CNKSR3: variants seen among roughly 807,000 people sequenced by gnomAD.
CNKSR3 encodes connector enhancer of kinase suppressor of ras 3.
A neutral mutation model predicts 67.7 loss-of-function variants in CNKSR3; 36 were observed. That is an observed-to-expected ratio of 0.53 (90% CI 0.41 to 0.70). The LOEUF is 0.70. Ranked by LOEUF, CNKSR3 falls within the 30% of genes least tolerant of loss-of-function variation. CNKSR3 has a pLI of 0.00. For synonymous variants in CNKSR3, 281 were observed against 271.4 expected (o/e 1.04, Z -0.35); for missense variants, 630 against 695.2 (o/e 0.91, Z 1.05).
intron 12 of CNKSR3, among the ~76,000 whole-genome samples, chr6:154,407,826 A>T (rs1784827826): frequency 7.3e-6 from 1 of 136,882 alleles, no homozygotes; most frequent in Non-Finnish European, 1.5e-5. Flanking sequence ...AGTTTTCTAA[A>T]TTTTAGAATT....
chr6:154,477,073 T>C (rs373137050), intron 1 of CNKSR3, among the ~76,000 whole-genome samples: 1 of 152,210 alleles, frequency 6.6e-6, no homozygotes, highest in Non-Finnish European at 1.5e-5. Context: ...GAAATGCACA[T>C]GGCTGTGAGG....
chr6:154,466,214 C>G (rs898577186), intron 1 of CNKSR3, among the ~76,000 whole-genome samples: 2 of 152,164 alleles, frequency 1.3e-5, no homozygotes, highest in Non-Finnish European at 2.9e-5. Flanking sequence ...AGAAACAGTA[C>G]TACAGAAAGA....
chr6:154,492,752 A>AAC (rs1554238245), intron 1 of CNKSR3, among the ~76,000 whole-genome samples: 173 of 151,438 alleles, frequency 1.1e-3, no homozygotes, highest in African/African-American at 4.1e-3. Context: ...TCTCAAAAAA[A>AAC]AAAAAACAAA....
intron 1 of CNKSR3, among the ~76,000 whole-genome samples, chr6:154,494,068 A>G (rs1442190794): frequency 1.3e-5 from 2 of 152,174 alleles, no homozygotes; most frequent in African/African-American, 4.8e-5. Context: ...GTAAATTAAT[A>G]TATCAGTCTG....
At chr6:154,503,311 A>G (rs1787034508) in intron 1 of CNKSR3, among the ~76,000 whole-genome samples, 2 of 152,088 alleles carry the variant, frequency 1.3e-5, no homozygotes, top group Admixed American at 6.6e-5. Flanking sequence ...TACTTGTGTT[A>G]AAGATTTTTT....
At chr6:154,459,438 C>G (rs1371073192) in intron 1 of CNKSR3, among the ~76,000 whole-genome samples, 1 of 152,010 alleles carries the variant, frequency 6.6e-6, no homozygotes, top group Admixed American at 6.6e-5. Flanking sequence ...TTTGGGGTAC[C>G]AAGCTGAAAG....
At chr6:154,462,683 C>T (rs569700912) in intron 1 of CNKSR3, among the ~76,000 whole-genome samples, 13 of 152,294 alleles carry the variant, frequency 8.5e-5, no homozygotes, top group African/African-American at 2.9e-4. Context: ...CCTGTGAGGT[C>T]CCATCTACCT....
At chr6:154,483,846 C>G (rs924805950) in intron 1 of CNKSR3, among the ~76,000 whole-genome samples, 3 of 152,168 alleles carry the variant, frequency 2.0e-5, no homozygotes, top group African/African-American at 4.8e-5. Flanking sequence ...ATGCTCCTCA[C>G]CAGTGGATCC....
At chr6:154,495,356 CTT>C (rs149762490) in intron 1 of CNKSR3, among the ~76,000 whole-genome samples, 3,618 of 129,524 alleles carry the variant, frequency 0.028, 131 homozygotes, top group African/African-American at 0.095. Flanking sequence ...GAATTCAACA[CTT>C]TTTTTTTTTT....
At chr6:154,501,675 A>C (rs1318669770) in intron 1 of CNKSR3, among the ~76,000 whole-genome samples, 1 of 152,122 alleles carries the variant, frequency 6.6e-6, no homozygotes, top group African/African-American at 2.4e-5. Context: ...CATCCAAAGG[A>C]GTCCCCCACC....
At chr6:154,440,762 C>G (rs933691563) in intron 4 of CNKSR3, among the ~76,000 whole-genome samples, 1 of 152,030 alleles carries the variant, frequency 6.6e-6, no homozygotes, top group Non-Finnish European at 1.5e-5. Context: ...AATGAGGAGT[C>G]GGAGGTGATT....
At chr6:154,485,566 A>G (rs1786650220) in intron 1 of CNKSR3, among the ~76,000 whole-genome samples, 1 of 152,226 alleles carries the variant, frequency 6.6e-6, no homozygotes, top group Admixed American at 6.5e-5. Context: ...AAAACGCATC[A>G]GGTATGAGTC....
intron 1 of CNKSR3, among the ~76,000 whole-genome samples, chr6:154,491,739 A>G (rs976668492): frequency 2.6e-5 from 4 of 152,238 alleles, no homozygotes; most frequent in Non-Finnish European, 4.4e-5. Context: ...CCACCAGTAC[A>G]TAGTCATTCA....
intron 1 of CNKSR3, chr6:154,478,327 A>T (rs1786496114): frequency 6.6e-6 from 1 of 152,224 alleles, no homozygotes; most frequent in Non-Finnish European, 1.5e-5. Context: ...TCACCCACAC[A>T]CCTATCTGGT....
intron 1 of CNKSR3, among the ~76,000 whole-genome samples, chr6:154,488,828 CTA>C (rs1268212920): frequency 6.6e-6 from 1 of 152,118 alleles, no homozygotes; most frequent in African/African-American, 2.4e-5. Context: ...AAAAAGGTAA[CTA>C]TTAAAAACTT....
intron 6 of CNKSR3, among the ~76,000 whole-genome samples, chr6:154,429,246 C>A (rs1785316008): frequency 6.6e-6 from 1 of 152,052 alleles, no homozygotes; most frequent in African/African-American, 2.4e-5. Flanking sequence ...ATAATGTGGA[C>A]CCTCCTCAGA....
chr6:154,475,854 C>T (rs1196348227), intron 1 of CNKSR3, among the ~76,000 whole-genome samples: 2 of 151,370 alleles, frequency 1.3e-5, no homozygotes, highest in African/African-American at 4.9e-5. Context: ...CAATAAATAA[C>T]CACCATTGTC....
chr6:154,485,926 G>A (rs553664760), intron 1 of CNKSR3, among the ~76,000 whole-genome samples: 13 of 152,212 alleles, frequency 8.5e-5, no homozygotes, highest in African/African-American at 2.4e-4. Flanking sequence ...TTGGCGCGAC[G>A]GGACACCTTC....
chr6:154,497,965 T>C (rs781076867), intron 1 of CNKSR3, among the ~76,000 whole-genome samples: 3 of 152,238 alleles, frequency 2.0e-5, no homozygotes, highest in Admixed American at 6.5e-5. Context: ...GAAAACTTTC[T>C]GTGCAAACAC....
Sources: allele counts gnomAD v4.1 joint callset (sites outside exome capture counted in the v4.1 genomes callset), GRCh38; gene constraint gnomAD v4.1.1; transcripts MANE v1.5; gene names NCBI Gene and HGNC (gene_info 2026-07-23, HGNC 2026-07-21).